Variants in RANBP17 observed in about 807,000 individuals in gnomAD.
RANBP17 encodes the protein ran-binding protein 17.
Under a neutral mutation model 141.2 loss-of-function variants are expected in RANBP17, and 158 were observed. The observed-to-expected ratio is 1.12, with a 90% confidence interval of 0.98 to 1.28. RANBP17 has a LOEUF of 1.28. Among genes scored for constraint, RANBP17 ranks in the 50% most tolerant of loss-of-function variants. The pLI, the probability that RANBP17 is intolerant of heterozygous loss-of-function variation, is 0.00. For synonymous variants in RANBP17, 430 were observed against 450.0 expected (o/e 0.96, Z 0.56); for missense variants, 1,438 against 1,290.7 (o/e 1.11, Z -1.75).
intron 20 of RANBP17, chr5:171,206,364 A>G (rs1333647312): frequency 1.9e-5 from 3 of 154,270 alleles, no homozygotes; most frequent in Non-Finnish European, 4.3e-5. Flanking sequence ...GGTAAAGTGT[A>G]CTCTGTATAA....
chr5:171,004,170 C>T (rs774498530), intron 14 of RANBP17, among the ~76,000 whole-genome samples: 4 of 151,914 alleles, frequency 2.6e-5, no homozygotes, highest in Non-Finnish European at 5.9e-5. Context: ...GATTAGGTTT[C>T]AATGGGATAG....
intron 14 of RANBP17, among the ~76,000 whole-genome samples, chr5:171,140,659 G>A (rs910485147): frequency 1.3e-5 from 2 of 152,166 alleles, no homozygotes; most frequent in African/African-American, 4.8e-5. Context: ...ATTTGTACAA[G>A]GCACAATGGA....
chr5:170,964,245 T>G (rs1395214245), intron 13 of RANBP17, among the ~76,000 whole-genome samples: 3 of 152,194 alleles, frequency 2.0e-5, no homozygotes, highest in African/African-American at 7.2e-5. Flanking sequence ...GTGTTATAGA[T>G]GGACATGTGT....
chr5:170,881,978 G>A lies in RANBP17; in HGVS notation c.256+82G>A, dbSNP rs1465015880. 7 of 818,296 alleles carry A rather than the reference G, an allele frequency of 8.6e-6. No homozygotes were observed. The South Asian group carries it at 1.2e-4, about 14-fold the overall frequency. The allele number at this position is 818,296 out of a possible 1,614,324, so 50.7% of individuals were successfully genotyped here. A position where few individuals can be genotyped will look rare whatever the true frequency, so the allele number is the denominator to read the frequency against. On this transcript the variant is annotated intron_variant, in intron 3 of 27. Transcript: ENST00000523189. ...AATATACTAAACTGTTACTAGGATT[G>A]CAAATTTTTTATGTCTGTCATTTTT...
At chr5:171,182,971 T>C in intron 16 of RANBP17, among the ~76,000 whole-genome samples, 196 bp from the exon 17 acceptor site, 1 of 152,164 alleles carries the variant, frequency 6.6e-6, no homozygotes. Flanking sequence ...ATGTATAAGA[T>C]AGAAAAAGTA....
At chr5:171,036,502 A>G (rs1245486754) in intron 14 of RANBP17, among the ~76,000 whole-genome samples, 1 of 152,144 alleles carries the variant, frequency 6.6e-6, no homozygotes, top group Non-Finnish European at 1.5e-5. Context: ...GGTTTATTAC[A>G]TGGGTATATT....
At chr5:171,063,883 A>G (rs911938443) in intron 14 of RANBP17, among the ~76,000 whole-genome samples, 67 of 152,220 alleles carry the variant, frequency 4.4e-4, no homozygotes, top group Admixed American at 1.0e-3. Flanking sequence ...CCCCTCCCCC[A>G]GCCTCGCTGC....
chr5:171,223,716 T>G (rs1281866917), intron 22 of RANBP17, among the ~76,000 whole-genome samples: 1 of 152,188 alleles, frequency 6.6e-6, no homozygotes, highest in Non-Finnish European at 1.5e-5. Context: ...TTTAAAAAAT[T>G]TTCTAAATAC....
chr5:171,079,299 A>C (rs1362777667), intron 14 of RANBP17, among the ~76,000 whole-genome samples: 1 of 152,196 alleles, frequency 6.6e-6, no homozygotes, highest in African/African-American at 2.4e-5. Context: ...TTATGAATAA[A>C]CAAATAAAAT....
chr5:170,924,029 G>A (rs116265441), intron 11 of RANBP17, among the ~76,000 whole-genome samples: 19 of 145,768 alleles, frequency 1.3e-4, no homozygotes, highest in African/African-American at 4.1e-4. Flanking sequence ...ACAGAGTCTC[G>A]CCCTGTCACC....
At chr5:170,938,775 A>G (rs1189864812) in intron 12 of RANBP17, among the ~76,000 whole-genome samples, 1 of 152,214 alleles carries the variant, frequency 6.6e-6, no homozygotes, top group Non-Finnish European at 1.5e-5. Flanking sequence ...TGCAGGAAAA[A>G]AGGAAAATGA....
At chr5:171,083,894 C>T (rs1366235555) in intron 14 of RANBP17, among the ~76,000 whole-genome samples, 2 of 152,062 alleles carry the variant, frequency 1.3e-5, no homozygotes, top group African/African-American at 2.4e-5. Flanking sequence ...AAGGCCTCCC[C>T]AGCCACTTGG....
intron 12 of RANBP17, among the ~76,000 whole-genome samples, chr5:170,935,342 C>T (rs1208988517): frequency 6.6e-6 from 1 of 152,194 alleles, no homozygotes; most frequent in African/African-American, 2.4e-5. Flanking sequence ...AGCTTTGTTC[C>T]GTTGCTGGCG....
intron 21 of RANBP17, among the ~76,000 whole-genome samples, chr5:171,218,724 C>T (rs1274524932): frequency 2.8e-5 from 4 of 144,276 alleles, no homozygotes; most frequent in Non-Finnish European, 6.1e-5. Flanking sequence ...GATTGCCACC[C>T]TTTTTTTTTT....
chr5:170,903,214 A>G (rs1374862299), intron 5 of RANBP17, among the ~76,000 whole-genome samples: 1 of 152,232 alleles, frequency 6.6e-6, no homozygotes, highest in Non-Finnish European at 1.5e-5. Context: ...AGAGGAATCT[A>G]CAGAGGCAGT....
chr5:171,112,454 A>T (rs185120894), intron 14 of RANBP17, among the ~76,000 whole-genome samples: 30 of 152,090 alleles, frequency 2.0e-4, no homozygotes, highest in African/African-American at 7.0e-4. Context: ...CTTGAAAGTA[A>T]GATTATACCA....
chr5:170,894,770 T>C (rs1046599021), intron 4 of RANBP17, among the ~76,000 whole-genome samples: 4 of 152,022 alleles, frequency 2.6e-5, no homozygotes, highest in African/African-American at 9.7e-5. Context: ...CCTACTGTCA[T>C]TTAGGGCAGT....
chr5:171,275,762 G>A (rs1263871255), intron 25 of RANBP17, among the ~76,000 whole-genome samples: 3 of 152,142 alleles, frequency 2.0e-5, no homozygotes, highest in Non-Finnish European at 4.4e-5. Context: ...AGTCAAGTTC[G>A]AGGGAGCAGA....
chr5:171,146,676 A>G (rs1233370513), intron 14 of RANBP17, among the ~76,000 whole-genome samples: 1 of 152,232 alleles, frequency 6.6e-6, no homozygotes, highest in African/African-American at 2.4e-5. Context: ...TCTTAAGATA[A>G]GCAGTACAGA....
Sources: allele counts gnomAD v4.1 joint callset (sites outside exome capture counted in the v4.1 genomes callset), GRCh38; gene constraint gnomAD v4.1.1; transcripts MANE v1.5; gene names NCBI Gene and HGNC (gene_info 2026-07-23, HGNC 2026-07-21).